The following PAX7 variants were observed in gnomAD, a reference collection of about 807,000 sequenced individuals.
The protein encoded by PAX7 is paired box 7.
A neutral mutation model predicts 50.7 loss-of-function variants in PAX7; 18 were observed. The ratio of observed to expected loss-of-function variants is 0.36; its 90% CI spans 0.25 to 0.53. The LOEUF (loss-of-function observed/expected upper bound fraction) is 0.53, where lower values mean the gene tolerates loss of function less well. Among genes scored for constraint, PAX7 ranks in the 20% least tolerant of loss-of-function variants. The pLI, the probability that PAX7 is intolerant of heterozygous loss-of-function variation, is 0.93. For missense variants in PAX7, 644 were observed against 702.9 expected, an observed-to-expected ratio of 0.92 and a Z score of 0.95; for synonymous variants, 310 against 290.4, an observed-to-expected ratio of 1.07 and a Z score of -0.69.
intron 4 of PAX7, among the ~76,000 whole-genome samples, chr1:18,664,683 G>A (rs1181670011): frequency 6.6e-6 from 1 of 152,112 alleles, no homozygotes; most frequent in African/African-American, 2.4e-5. Context: ...TGTCAGATCT[G>A]GGGTGAGGCA....
At chr1:18,683,764 T>C (rs1008243189) in intron 4 of PAX7, among the ~76,000 whole-genome samples, 1 of 152,146 alleles carries the variant, frequency 6.6e-6, no homozygotes, top group South Asian at 2.1e-4. Context: ...CACTTGAGCC[T>C]GGGAGGCGGA....
chr1:18,730,429 A>G (rs966466929), intron 7 of PAX7, among the ~76,000 whole-genome samples: 10 of 151,938 alleles, frequency 6.6e-5, no homozygotes, highest in Non-Finnish European at 1.5e-4. Context: ...TGGTCCCTGC[A>G]GCCTTGACCT....
At chr1:18,644,553 T>TG (rs1426035833) in intron 4 of PAX7, among the ~76,000 whole-genome samples, 2 of 152,064 alleles carry the variant, frequency 1.3e-5, no homozygotes, top group Admixed American at 6.5e-5. Context: ...AAGGGGTCTT[T>TG]GGGGCTTCTA....
intron 5 of PAX7, among the ~76,000 whole-genome samples, chr1:18,694,651 A>C (rs1180140394): frequency 6.6e-6 from 1 of 152,188 alleles, no homozygotes; most frequent in Non-Finnish European, 1.5e-5. Context: ...GGTCTCCAGG[A>C]AAGAGCTCAG....
intron 7 of PAX7, among the ~76,000 whole-genome samples, chr1:18,734,784 C>A (rs1272296458): frequency 6.6e-6 from 1 of 152,184 alleles, no homozygotes; most frequent in Non-Finnish European, 1.5e-5. Context: ...GCTCTTTCTC[C>A]TCTGAAGTCT....
intron 4 of PAX7, among the ~76,000 whole-genome samples, chr1:18,662,034 G>A (rs2088607308): frequency 6.7e-6 from 1 of 149,686 alleles, no homozygotes; most frequent in Non-Finnish European, 1.5e-5. Flanking sequence ...CCCTGACTGA[G>A]CACAACCTGG....
chr1:18,639,419 G>A (rs1484424296), intron 4 of PAX7, among the ~76,000 whole-genome samples: 2 of 145,088 alleles, frequency 1.4e-5, no homozygotes, highest in Non-Finnish European at 3.0e-5. Flanking sequence ...TCTTATCCTT[G>A]TTAAGACTGA....
chr1:18,709,233 G>A (rs993141759), intron 7 of PAX7, among the ~76,000 whole-genome samples: 1 of 152,064 alleles, frequency 6.6e-6, no homozygotes, highest in African/African-American at 2.4e-5. Flanking sequence ...CTTGGCTGGG[G>A]TCTGGAGGGC....
chr1:18,700,551 G>A lies in PAX7; in HGVS notation c.787-102G>A. 1 of 1,090,210 alleles carries A rather than the reference G, an allele frequency of 9.2e-7. No homozygotes were observed. The highest frequency in any genetic ancestry group is 1.3e-6 in the Non-Finnish European group (1 of 785,990). The allele number at this position is 1,090,210 out of a possible 1,614,324, so 67.5% of individuals were successfully genotyped here. ...CGGGGCCTGCAGGAGGATGCTGGCTGGATCAGAGGGTGATGGCTTGGGCAA... is the reference window on the plus strand; with the variant it reads ...CGGGGCCTGCAGGAGGATGCTGGCTAGATCAGAGGGTGATGGCTTGGGCAA... On this transcript the variant is annotated intron_variant, in intron 5 of 8. Coordinates refer to ENST00000420770, the MANE Select transcript of PAX7 (RefSeq NM_001135254.2). The surrounding 1 kb of genome is among the most constrained non-coding windows in gnomAD (Gnocchi z 4.8).
At chr1:18,686,893 A>ATTTTTTTTTT (rs774061568) in intron 4 of PAX7, among the ~76,000 whole-genome samples, 1 of 50,806 alleles carries the variant, frequency 2.0e-5, no homozygotes. Flanking sequence ...TTTTATTATT[A>ATTTTTTTTTT]TTATTATTAT....
At chr1:18,658,948 G>A (rs2088561779) in intron 4 of PAX7, among the ~76,000 whole-genome samples, 1 of 152,204 alleles carries the variant, frequency 6.6e-6, no homozygotes, top group African/African-American at 2.4e-5. Context: ...ATGTGTGTGT[G>A]CATGCACGTA....
At chr1:18,637,100 G>A (rs939149054) in intron 4 of PAX7, among the ~76,000 whole-genome samples, 1 of 151,726 alleles carries the variant, frequency 6.6e-6, no homozygotes, top group Non-Finnish European at 1.5e-5. Flanking sequence ...GGCTTCCGCG[G>A]GCAGGCTGGA....
intron 4 of PAX7, among the ~76,000 whole-genome samples, chr1:18,637,922 A>G (rs1288192331): frequency 1.3e-5 from 2 of 152,330 alleles, no homozygotes; most frequent in South Asian, 4.1e-4. Flanking sequence ...GCAGCCCTGC[A>G]CTGCCAAGCG....
chr1:18,655,540 G>A (rs1393603201), intron 4 of PAX7, among the ~76,000 whole-genome samples: 1 of 152,192 alleles, frequency 6.6e-6, no homozygotes, highest in Admixed American at 6.5e-5. Context: ...TCTGGCACGG[G>A]GCCTCGCTCC....
chr1:18,684,026 G>A (rs868324646), intron 4 of PAX7, among the ~76,000 whole-genome samples: 5 of 152,282 alleles, frequency 3.3e-5, no homozygotes, highest in East Asian at 1.9e-4. Context: ...GACTGAGCCC[G>A]GAGTCTGTGC....
At chr1:18,683,453 C>T (rs1164139761) in intron 4 of PAX7, among the ~76,000 whole-genome samples, 1 of 152,114 alleles carries the variant, frequency 6.6e-6, no homozygotes, top group African/African-American at 2.4e-5. Context: ...TTTGAGTGTC[C>T]ACTTTGTGCT....
At chr1:18,690,206 A>G (rs1253134620) in intron 4 of PAX7, among the ~76,000 whole-genome samples, 1 of 152,252 alleles carries the variant, frequency 6.6e-6, no homozygotes, top group Non-Finnish European at 1.5e-5. Context: ...TGAATGAGTC[A>G]ATGACAAAAA....
At chr1:18,633,113 G>A (rs900952370) in intron 1 of PAX7, among the ~76,000 whole-genome samples, 5 of 152,230 alleles carry the variant, frequency 3.3e-5, no homozygotes, top group African/African-American at 4.8e-5. Context: ...GATTAAATCC[G>A]AGAGTGGCTT....
chr1:18,699,537 A>G (rs531079608), intron 5 of PAX7, among the ~76,000 whole-genome samples: 24 of 151,530 alleles, frequency 1.6e-4, no homozygotes, highest in East Asian at 1.4e-3. Flanking sequence ...GCAAATCCAG[A>G]TAAGTGGGCT....
Sources: allele counts gnomAD v4.1 joint callset (sites outside exome capture counted in the v4.1 genomes callset), GRCh38; gene constraint gnomAD v4.1.1; non-coding constraint Gnocchi (gnomAD v3.1); transcripts MANE v1.5; gene names NCBI Gene and HGNC (gene_info 2026-07-23, HGNC 2026-07-21).